AMACR: variants seen among roughly 807,000 people sequenced by gnomAD.
The protein encoded by AMACR is alpha-methylacyl-CoA racemase, also known as 2-methylacyl-CoA racemase.
In AMACR, 18 loss-of-function variants were observed where a neutral mutation model predicts 22.2. That is an observed-to-expected ratio of 0.81 (90% CI 0.56 to 1.20). The LOEUF (loss-of-function observed/expected upper bound fraction) is 1.20, where lower values mean the gene tolerates loss of function less well. AMACR is among the 50% of genes most tolerant of loss of function. The pLI, the probability that AMACR is intolerant of heterozygous loss-of-function variation, is 0.00. For missense variants in AMACR, 499 were observed against 490.6 expected (o/e 1.02, Z -0.16); for synonymous variants, 213 against 191.3 (o/e 1.11, Z -0.94).
At chr5:34,000,137 G>A (rs554090770) in intron 3 of AMACR, among the ~76,000 whole-genome samples, 5 of 152,224 alleles carry the variant, frequency 3.3e-5, no homozygotes, top group African/African-American at 1.2e-4. Flanking sequence ...CACTATTGAG[G>A]AAAACCTTTG....
chr5:33,990,337 G>T (rs930238512), intron 4 of AMACR, among the ~76,000 whole-genome samples: 1 of 152,146 alleles, frequency 6.6e-6, no homozygotes, highest in Non-Finnish European at 1.5e-5. Flanking sequence ...TTCCTCTCCG[G>T]CATGAAAGGG....
Position 33,988,400 on chromosome 5 carries a change from C to A in AMACR, c.*693G>T, listed in dbSNP as rs1207155641. 1 of 1,537,264 alleles carries A rather than the reference C, an allele frequency of 6.5e-7. No individual in the cohort carries two copies. The highest frequency in any genetic ancestry group is 8.7e-7 in the Non-Finnish European group (1 of 1,146,972). Reference sequence around the variant, plus strand: ...AAACACATGGAGAAAGGAAAGCTGACAGCCCAGAGACCCACGGGGAAACAG... The same window carrying A: ...AAACACATGGAGAAAGGAAAGCTGAAAGCCCAGAGACCCACGGGGAAACAG... On this transcript the variant is annotated 3_prime_UTR_variant, in exon 5 of 5. Coordinates refer to ENST00000335606, the MANE Select transcript of AMACR (RefSeq NM_014324.6).
chr5:33,988,396 C>G lies in AMACR; in HGVS notation c.*697G>C. Reference sequence around the variant, plus strand: ...AATCAAACACATGGAGAAAGGAAAGCTGACAGCCCAGAGACCCACGGGGAA... The same window carrying G: ...AATCAAACACATGGAGAAAGGAAAGGTGACAGCCCAGAGACCCACGGGGAA... On this transcript the variant is annotated 3_prime_UTR_variant, in exon 5 of 5. Transcript: ENST00000335606. 6.5e-7 allele frequency: 1 copy of G among 1,537,538 alleles called. No homozygotes were observed. Among genetic ancestry groups the G allele is most frequent in the Non-Finnish European group, 8.7e-7 (1 of 1,147,066 alleles).
intron 1 of AMACR, 62 bp from the exon 2 acceptor site, chr5:34,005,961 C>T (rs1031255212): frequency 1.0e-5 from 16 of 1,582,790 alleles, no homozygotes; most frequent in Non-Finnish European, 1.3e-5. Context: ...ATAATCCCTT[C>T]TCTGAGACAA....
chr5:33,988,282 C>T lies in AMACR; in HGVS notation c.*811G>A, dbSNP rs768974467. 7.8e-6 allele frequency: 12 copies of T among 1,530,784 alleles called. No individual in the cohort carries two copies. In the East Asian group the frequency reaches 1.2e-4, roughly 16 times the overall value. The allele number at this position is 1,530,784 out of a possible 1,614,324, so 94.8% of individuals were successfully genotyped here. On this transcript the variant is annotated 3_prime_UTR_variant, in exon 5 of 5. Coordinates refer to ENST00000335606, the MANE Select transcript of AMACR (RefSeq NM_014324.6). ...TAACTCAGTCCAAGGAGACACAAAA[C>T]GACTTGCTGGGGGGTCCTGAGATCT...
intron 3 of AMACR, among the ~76,000 whole-genome samples, chr5:34,001,906 T>C (rs1051805365): frequency 1.3e-5 from 2 of 152,258 alleles, no homozygotes; most frequent in Non-Finnish European, 2.9e-5. Flanking sequence ...CTTGTGTAAT[T>C]AGCAAACACT....
intron 3 of AMACR, among the ~76,000 whole-genome samples, chr5:34,001,924 C>T (rs1232907304): frequency 6.6e-6 from 1 of 152,138 alleles, no homozygotes; most frequent in Non-Finnish European, 1.5e-5. Flanking sequence ...ACTTACTAGC[C>T]CCTAATGGAA....
chr5:34,003,267 C>G (rs1579583056), intron 3 of AMACR, among the ~76,000 whole-genome samples: 1 of 152,188 alleles, frequency 6.6e-6, no homozygotes, highest in East Asian at 1.9e-4. Flanking sequence ...AGTCCCTAAC[C>G]TCAAGTATCC....
At position 33,998,870 on chromosome 5, in the gene AMACR, T is replaced by C. The variant is rs1001610655; in HGVS notation, c.553-43A>G. 5 of 1,583,222 alleles carry C rather than the reference T, an allele frequency of 3.2e-6. No individual in the cohort carries two copies. In the South Asian group the frequency reaches 5.5e-5, roughly 18 times the overall value. On this transcript the variant is annotated intron_variant, in intron 3 of 4. Transcript: ENST00000335606. ...ACAAGACAAATCCAGATAACTCAAG[T>C]GTCAAAGCATGAATAATTCCTCCCA...
At chr5:33,990,154 A>G (rs1345680750) in intron 4 of AMACR, among the ~76,000 whole-genome samples, 1 of 152,170 alleles carries the variant, frequency 6.6e-6, no homozygotes. Context: ...TCATCCATCC[A>G]CCCATCCATC....
In AMACR at chr5:34,007,956, T is replaced by C; in HGVS notation, c.64A>G (p.Met22Val). The C allele has an allele frequency of 6.2e-7, 1 of 1,611,582 alleles. No homozygotes were observed. Among genetic ancestry groups the C allele is most frequent in the Non-Finnish European group, 8.5e-7 (1 of 1,179,720 alleles). ...SGLAPGPFCA[M>V]VLADFGARVV... ...CGCGCCCCGAAGTCAGCCAGGACCATAGCACAGAACGGGCCCGGGGCCAGG... is the reference window on the plus strand; with the variant it reads ...CGCGCCCCGAAGTCAGCCAGGACCACAGCACAGAACGGGCCCGGGGCCAGG... The change falls in exon 1 of 5, where the codon ATG becomes GTG. Residue 22 changes from methionine to valine, a missense_variant. Physicochemically the swap from Met to Val is conservative, Grantham distance 21. Transcript: ENST00000335606.
At position 34,004,690 on chromosome 5, in the gene AMACR, G is replaced by T; in HGVS notation, c.436C>A (p.Pro146Thr). The T allele has an allele frequency of 6.2e-7, 1 of 1,614,102 alleles. No individual in the cohort carries two copies. Among genetic ancestry groups the T allele is most frequent in the Non-Finnish European group, 8.5e-7 (1 of 1,180,022 alleles). Reference sequence around the variant, plus strand: ...GCAAAGTCAGCCAGGAGATTCAGCGGGGCATACGGATTCTCACCACTTCTG... The same window carrying T: ...GCAAAGTCAGCCAGGAGATTCAGCGTGGCATACGGATTCTCACCACTTCTG... ...IGRSGENPYAPLNLLADFAGG... is the reference protein window; with the variant it reads ...IGRSGENPYATLNLLADFAGG... Residue 146 changes from proline to threonine, a missense_variant, in exon 3 of 5, where the codon CCG (proline) becomes ACG (threonine). Transcript: ENST00000335606.
Position 34,008,005 on chromosome 5 carries a change from G to A in AMACR, c.15C>T (p.Gly5=). The A allele has an allele frequency of 6.2e-7, 1 of 1,610,888 alleles. No individual in the cohort carries two copies. The highest frequency in any genetic ancestry group is 1.1e-5 in the South Asian group (1 of 91,082). Residue 5 remains glycine (G), a synonymous_variant, in exon 1 of 5, where the codon GGC becomes GGT. Coordinates refer to ENST00000335606, the MANE Select transcript of AMACR (RefSeq NM_014324.6). ...GGCCGGACAGCTCCACGACCGAGAT[G>A]CCCTGCAGTGCCATGGCGCTTCCCA... The part of the protein sequence containing the change: MALQ[G]ISVVELSGLA...
intron 1 of AMACR, 32 bp downstream of exon 1, chr5:34,007,741 T>G: frequency 3.9e-6 from 6 of 1,524,870 alleles, no homozygotes; most frequent in Non-Finnish European, 4.4e-6. Flanking sequence ...CGCGGGAACT[T>G]CCCGAGAGCA....
At chr5:33,997,523 C>T in intron 4 of AMACR, 1 of 780,042 alleles carries the variant, frequency 1.3e-6, no homozygotes, top group East Asian at 2.4e-5. Flanking sequence ...CCAGACCTGG[C>T]CAAGGACCAG....
rs1423631983 is a variant in AMACR at position 33,998,566 on chromosome 5, A to C, written c.739+75T>G. 4.1e-6 allele frequency: 6 copies of C among 1,479,204 alleles called. No homozygotes were observed. In the South Asian group the frequency reaches 6.9e-5, roughly 17 times the overall value. 91.6% of individuals were successfully genotyped at this position (1,479,204 alleles called of 1,614,324 possible). On this transcript the variant is annotated intron_variant, in intron 4 of 4. Transcript: ENST00000335606. ...TATAATAAAAGACATCCTAGATGCC[A>C]AAAGTCTTTAAAATAGAACCAAAGA...
intron 3 of AMACR, among the ~76,000 whole-genome samples, chr5:33,999,157 T>A (rs575182672): frequency 2.0e-5 from 3 of 152,356 alleles, no homozygotes; most frequent in African/African-American, 7.2e-5. Flanking sequence ...CTATTCTCTC[T>A]ACTTTTTATA....
At chr5:33,990,042 C>T (rs773324728) in intron 4 of AMACR, among the ~76,000 whole-genome samples, 3 of 152,006 alleles carry the variant, frequency 2.0e-5, no homozygotes, top group Non-Finnish European at 4.4e-5. Flanking sequence ...AGTGATGGCA[C>T]GAGTATACTG....
chr5:33,997,914 G>A (rs568745124), intron 4 of AMACR, among the ~76,000 whole-genome samples: 5 of 152,274 alleles, frequency 3.3e-5, no homozygotes, highest in East Asian at 3.9e-4. Flanking sequence ...GCTACCAAAC[G>A]TAACAATGAA....
Sources: allele counts gnomAD v4.1 joint callset (sites outside exome capture counted in the v4.1 genomes callset), GRCh38; gene constraint gnomAD v4.1.1; transcripts MANE v1.5; gene names NCBI Gene and HGNC (gene_info 2026-07-23, HGNC 2026-07-21).